USP35: variants seen among roughly 807,000 people sequenced by gnomAD.
The protein encoded by USP35 is ubiquitin carboxyl-terminal hydrolase 35.
In USP35, 69 loss-of-function variants were observed where a neutral mutation model predicts 83.8. The observed-to-expected ratio is 0.82, with a 90% CI of 0.68 to 1.01. USP35 has a LOEUF of 1.01. USP35 is among the 50% of genes least tolerant of loss of function. USP35 has a pLI of 0.00. For synonymous variants in USP35, 714 were observed against 589.5 expected (o/e 1.21, Z -3.06); for missense variants, 1,503 against 1,362.5 (o/e 1.10, Z -1.62).
intron 6 of USP35, among the ~76,000 whole-genome samples, chr11:78,205,353 C>A (rs563494036): frequency 6.6e-6 from 1 of 152,326 alleles, no homozygotes; most frequent in South Asian, 2.1e-4. Flanking sequence ...CAAACTGACA[C>A]AAGGTAGGAG....
chr11:78,209,933 TG>T lies in USP35; in HGVS notation c.2083del (p.Glu695ArgfsTer80). 1 of 1,593,026 alleles carries T rather than the reference TG, an allele frequency of 6.3e-7. No individual in the cohort carries two copies. The highest frequency in any genetic ancestry group is 8.5e-7 in the Non-Finnish European group (1 of 1,171,136). Reference sequence around the variant, plus strand: ...GAGGAGAGAACGGAGAAGGAAGAAGTGGGGGAGGAGGAGGAAAGCACCAGAG... The same window carrying T: ...GAGGAGAGAACGGAGAAGGAAGAAGTGGGGAGGAGGAGGAAAGCACCAGAG... ...GKEERTEKEE[V>X]GEEEESTRGE... On this transcript the variant is annotated frameshift_variant, in exon 10 of 11. Transcript: ENST00000529308. LOFTEE classifies it high-confidence loss of function.
intron 2 of USP35, 21 bp from the exon 3 acceptor site, chr11:78,197,915 C>T (rs371233199): frequency 6.2e-7 from 1 of 1,612,530 alleles, no homozygotes; most frequent in Non-Finnish European, 8.5e-7. Flanking sequence ...CTGCTAAGCT[C>T]AGCCCTGTCC....
At chr11:78,225,044 C>G in the USP35 span, 1 of 978,512 alleles carries the variant, frequency 1.0e-6, no homozygotes, top group Non-Finnish European at 1.6e-6. Context: ...CTTTTAATTC[C>G]ATAAGGTGTG....
intron 3 of USP35, chr11:78,199,362 A>C: frequency 1.8e-6 from 1 of 550,200 alleles, no homozygotes; most frequent in Non-Finnish European, 3.2e-6. Context: ...TGGGGTGCTG[A>C]GAGGGCCTGG....
In USP35 at chr11:78,214,000, G is replaced by A; in HGVS notation, c.*187G>A. ...TAAGACCTAAGTCCCTTTCATTGGG[G>A]ATCAGTCCCATTAAAACTTTACACC... On this transcript the variant is annotated 3_prime_UTR_variant, in exon 11 of 11. Coordinates refer to ENST00000529308, the MANE Select transcript of USP35 (RefSeq NM_020798.4). The A allele has an allele frequency of 1.6e-6, 1 of 611,826 alleles. No homozygotes were observed. The highest frequency in any genetic ancestry group is 2.5e-6 in the Non-Finnish European group (1 of 396,738). 37.9% of individuals were successfully genotyped at this position (611,826 alleles called of 1,614,324 possible).
chr11:78,205,946 C>A lies in USP35; in HGVS notation c.1302C>A (p.Ala434=). Residue 434 remains alanine (A), a synonymous_variant, in exon 7 of 11, where the codon GCC becomes GCA. Transcript: ENST00000529308. ...CGGGTTTCTATCCCCGGCTCATGGC[C>A]AAGTCAGACACGGGCAAGATTGGTC... is the stretch of plus-strand genomic sequence containing the variant. ...ELAGFYPRLM[A]KSDTGKIGLI... 1 of 1,614,240 alleles carries A rather than the reference C, an allele frequency of 6.2e-7. No individual in the cohort carries two copies. Among genetic ancestry groups the A allele is most frequent in the Non-Finnish European group, 8.5e-7 (1 of 1,180,046 alleles).
the USP35 span, among the ~76,000 whole-genome samples, chr11:78,225,695 G>C: frequency 1.3e-5 from 2 of 152,202 alleles, no homozygotes; most frequent in Non-Finnish European, 2.9e-5. Context: ...TAAACTAGGA[G>C]CTGGGACTCT....
the USP35 span, chr11:78,223,377 G>A: frequency 3.4e-6 from 5 of 1,482,810 alleles, no homozygotes; most frequent in Non-Finnish European, 4.5e-6. Flanking sequence ...CCTAGCCACT[G>A]TCCAGAGATG....
intron 3 of USP35, chr11:78,198,816 A>G (rs117744167): frequency 1.1e-5 from 6 of 522,434 alleles, no homozygotes; most frequent in African/African-American, 2.1e-5. Flanking sequence ...CTCAACTGTA[A>G]AATGGAGTAT....
chr11:78,190,922 C>T (rs977757974), intron 1 of USP35, among the ~76,000 whole-genome samples: 3 of 152,248 alleles, frequency 2.0e-5, no homozygotes, highest in African/African-American at 7.2e-5. Flanking sequence ...CCCTGCCCCA[C>T]ATCAGCTGAG....
At chr11:78,207,226 A>G (rs1863555340) in intron 7 of USP35, 1 of 260,668 alleles carries the variant, frequency 3.8e-6, no homozygotes, top group South Asian at 5.9e-5. Context: ...GGACCACAGG[A>G]CCTTAGGACG....
At chr11:78,198,776 C>A in intron 3 of USP35, 1 of 847,614 alleles carries the variant, frequency 1.2e-6, no homozygotes, top group Non-Finnish European at 1.4e-6. Flanking sequence ...CGACCTTGGA[C>A]AAGTTACTCA....
chr11:78,223,723 G>A, the USP35 span: 1 of 1,480,800 alleles, frequency 6.8e-7, no homozygotes, highest in Non-Finnish European at 9.2e-7. Context: ...CTAGCAAGAA[G>A]AAACAGGAAG....
intron 7 of USP35, 39 bp from the exon 8 acceptor site, chr11:78,207,491 C>T (rs1366315459): frequency 6.2e-7 from 1 of 1,604,548 alleles, no homozygotes. Context: ...TCCTTGGGGG[C>T]CCATGGCTTA....
chr11:78,211,244 G>C (rs1863761967), intron 10 of USP35, among the ~76,000 whole-genome samples: 1 of 152,114 alleles, frequency 6.6e-6, no homozygotes, highest in African/African-American at 2.4e-5. Flanking sequence ...GAGGATAACG[G>C]CTTCCAGCTC....
chr11:78,200,045 G>A, intron 4 of USP35, 88 bp from the exon 5 acceptor site: 2 of 1,401,964 alleles, frequency 1.4e-6, no homozygotes, highest in South Asian at 2.3e-5. Flanking sequence ...GAACTCTAGG[G>A]TGTCTCTGAG....
At chr11:78,227,074 G>A in the USP35 span, 1 of 1,495,640 alleles carries the variant, frequency 6.7e-7, no homozygotes, top group South Asian at 1.1e-5. Context: ...GAAGGGAAAG[G>A]GCAGGAGGGT....
rs998252569 is a variant in USP35, at chr11:78,213,636, G to T, written c.2890-10G>T. On this transcript the variant is annotated splice_polypyrimidine_tract_variant and intron_variant, in intron 10 of 10. Coordinates refer to ENST00000529308, the MANE Select transcript of USP35 (RefSeq NM_020798.4). ...TCTAAGTCTAAGTCTCCTCTCATCT[G>T]TGTTCCCAGGAGCAGGAGAAGGAGG... The T allele has an allele frequency of 1.2e-5, 18 of 1,476,576 alleles. No individual in the cohort carries two copies. The highest frequency in any genetic ancestry group is 1.8e-6 in the Non-Finnish European group (2 of 1,119,142). The allele number at this position is 1,476,576 out of a possible 1,614,324, so 91.5% of individuals were successfully genotyped here. A position where few individuals can be genotyped will look rare whatever the true frequency, so the allele number is the denominator to read the frequency against.
chr11:78,193,486 T>A (rs1024001290), intron 1 of USP35, among the ~76,000 whole-genome samples: 3 of 151,408 alleles, frequency 2.0e-5, no homozygotes, highest in African/African-American at 7.3e-5. Context: ...ATTACAGACA[T>A]GAGCCACTGT....
Sources: allele counts gnomAD v4.1 joint callset (sites outside exome capture counted in the v4.1 genomes callset), GRCh38; gene constraint gnomAD v4.1.1; transcripts MANE v1.5; gene names NCBI Gene and HGNC (gene_info 2026-07-23, HGNC 2026-07-21).